The following DENND1A variants were observed in gnomAD, a reference collection of about 807,000 sequenced individuals.
DENND1A encodes the protein DENN domain-containing protein 1A.
In DENND1A, 51 loss-of-function variants were observed where a neutral mutation model predicts 113.7. That is an observed-to-expected ratio of 0.45 (90% CI 0.36 to 0.57). The LOEUF is 0.57. Among genes scored for constraint, DENND1A ranks in the 20% least tolerant of loss-of-function variants. The pLI, the probability that DENND1A is intolerant of heterozygous loss-of-function variation, is 0.00. For synonymous variants in DENND1A, 565 were observed against 570.8 expected, an observed-to-expected ratio of 0.99 and a Z score of 0.14; for missense variants, 1,258 against 1,395.9, an observed-to-expected ratio of 0.90 and a Z score of 1.57.
intron 5 of DENND1A, among the ~76,000 whole-genome samples, chr9:123,728,801 G>A (rs146967795): frequency 6.6e-6 from 1 of 152,148 alleles, no homozygotes; most frequent in Non-Finnish European, 1.5e-5. Context: ...AAACCTGGCA[G>A]AGACACAACA....
intron 19 of DENND1A, chr9:123,414,167 G>A (rs761603504): frequency 3.0e-6 from 3 of 1,013,158 alleles, no homozygotes; most frequent in African/African-American, 1.7e-5. Flanking sequence ...GTTACTCCAG[G>A]CCCACGATTT....
intron 11 of DENND1A, among the ~76,000 whole-genome samples, chr9:123,595,521 T>G (rs1415423354): frequency 6.6e-6 from 1 of 152,102 alleles, no homozygotes; most frequent in Non-Finnish European, 1.5e-5. Context: ...GGCACAGTAG[T>G]ATGCAGCAGA....
At chr9:123,909,010 A>G (rs1853438281) in intron 1 of DENND1A, among the ~76,000 whole-genome samples, 1 of 152,218 alleles carries the variant, frequency 6.6e-6, no homozygotes, top group Admixed American at 6.5e-5. Context: ...ATGGAATACT[A>G]TGCAGCCATA....
chr9:123,678,861 T>C (rs147695253), intron 5 of DENND1A, among the ~76,000 whole-genome samples: 2 of 152,228 alleles, frequency 1.3e-5, no homozygotes, highest in African/African-American at 2.4e-5. Flanking sequence ...GGCAGAGTAA[T>C]GTAAACATTC....
intron 13 of DENND1A, among the ~76,000 whole-genome samples, chr9:123,521,336 G>C (rs1186935373): frequency 6.6e-6 from 1 of 152,194 alleles, no homozygotes; most frequent in Non-Finnish European, 1.5e-5. Context: ...GTGGGAGGCA[G>C]CCTCGTGGTT....
At chr9:123,882,547 C>T (rs1336461934) in intron 1 of DENND1A, among the ~76,000 whole-genome samples, 1 of 152,170 alleles carries the variant, frequency 6.6e-6, no homozygotes, top group Non-Finnish European at 1.5e-5. Flanking sequence ...CGTTTCTCAG[C>T]ACCCCCAAAT....
intron 19 of DENND1A, among the ~76,000 whole-genome samples, chr9:123,423,249 T>A (rs1336255921): frequency 2.0e-5 from 3 of 152,104 alleles, no homozygotes; most frequent in Non-Finnish European, 2.9e-5. Flanking sequence ...AGGGCTCCGG[T>A]AAGAGTCCCC....
intron 19 of DENND1A, among the ~76,000 whole-genome samples, chr9:123,421,010 C>T (rs932634316): frequency 6.7e-6 from 1 of 150,106 alleles, no homozygotes; most frequent in East Asian, 2.0e-4. Context: ...GCAGGGACCT[C>T]GCTGACGTAT....
intron 2 of DENND1A, among the ~76,000 whole-genome samples, chr9:123,805,064 T>C (rs979919346): frequency 2.0e-5 from 3 of 152,182 alleles, no homozygotes; most frequent in African/African-American, 7.2e-5. Flanking sequence ...TCATGGCTTA[T>C]ACCCACACAA....
At chr9:123,462,758 T>C (rs1198761430) in intron 13 of DENND1A, among the ~76,000 whole-genome samples, 2 of 151,886 alleles carry the variant, frequency 1.3e-5, no homozygotes, top group Non-Finnish European at 2.9e-5. Context: ...GATCACACCA[T>C]TGCACTCCAG....
At chr9:123,850,302 C>T (rs555823161) in intron 2 of DENND1A, among the ~76,000 whole-genome samples, 1 of 152,226 alleles carries the variant, frequency 6.6e-6, no homozygotes, top group Non-Finnish European at 1.5e-5. Context: ...CCTGACCAGC[C>T]GGTAGCCATC....
At chr9:123,798,297 G>C (rs996307878) in intron 2 of DENND1A, 1 of 152,192 alleles carries the variant, frequency 6.6e-6, no homozygotes, top group South Asian at 2.1e-4. Flanking sequence ...TCACATGCCA[G>C]ATTCCTCCTC....
At chr9:123,517,308 C>T (rs765259619) in intron 13 of DENND1A, among the ~76,000 whole-genome samples, 3 of 149,824 alleles carry the variant, frequency 2.0e-5, no homozygotes, top group Non-Finnish European at 3.0e-5. Flanking sequence ...CCATTCATAT[C>T]ACAACAACAA....
At chr9:123,870,003 CA>C (rs11430845) in intron 2 of DENND1A, among the ~76,000 whole-genome samples, 15,891 of 78,474 alleles carry the variant, frequency 0.2, 1,440 homozygotes, top group African/African-American at 0.4. Flanking sequence ...GACCCTGTCT[CA>C]AAAAAAAAAA....
chr9:123,820,536 GA>G (rs1033164520), intron 2 of DENND1A, among the ~76,000 whole-genome samples: 3 of 152,162 alleles, frequency 2.0e-5, no homozygotes, highest in Admixed American at 2.0e-4. Flanking sequence ...GCTCCCTGCT[GA>G]ATGACTGACC....
At chr9:123,774,318 T>A (rs1830162563) in intron 3 of DENND1A, among the ~76,000 whole-genome samples, 2 of 152,178 alleles carry the variant, frequency 1.3e-5, no homozygotes, top group African/African-American at 2.4e-5. Context: ...ACAAAATTTC[T>A]ACCTTAAGCC....
intron 14 of DENND1A, 50 bp from the exon 15 acceptor site, chr9:123,457,485 GA>G (rs755305824): frequency 3.4e-6 from 5 of 1,471,686 alleles, no homozygotes; most frequent in Non-Finnish European, 3.8e-6. Context: ...AGAAAAGGGG[GA>G]AAAACCATTC....
chr9:123,653,403 A>C (rs754667982), intron 8 of DENND1A, among the ~76,000 whole-genome samples: 5 of 152,228 alleles, frequency 3.3e-5, no homozygotes, highest in Admixed American at 2.6e-4. Flanking sequence ...AGAGGTCAGC[A>C]ACTGGCAAAG....
rs191359625 is a variant in DENND1A, at chr9:123,441,743, C to T, written c.1357-1252G>A. Among the ~76,000 whole-genome samples, 26 of 152,198 alleles carry T rather than the reference C, an allele frequency of 1.7e-4. No homozygotes were observed. The East Asian group carries it at 3.7e-3, about 21-fold the overall frequency. On this transcript the variant is annotated intron_variant, in intron 18 of 23. Coordinates refer to ENST00000394215, the MANE Select transcript of DENND1A (RefSeq NM_001352964.2). Reference sequence around the variant, plus strand: ...AATATTTAAATAATCATGTTTCTTACCAAATAAAAATAACTCAGCCAGAAT... The same window carrying T: ...AATATTTAAATAATCATGTTTCTTATCAAATAAAAATAACTCAGCCAGAAT...
Sources: allele counts gnomAD v4.1 joint callset (sites outside exome capture counted in the v4.1 genomes callset), GRCh38; gene constraint gnomAD v4.1.1; transcripts MANE v1.5; gene names NCBI Gene and HGNC (gene_info 2026-07-23, HGNC 2026-07-21).